The following LRRK2 variants were observed in gnomAD, a reference collection of about 807,000 sequenced individuals.
The protein encoded by LRRK2 is leucine-rich repeat serine/threonine-protein kinase 2.
In LRRK2, 203 loss-of-function variants were observed where a neutral mutation model predicts 302.6. The observed-to-expected ratio is 0.67, with a 90% CI of 0.60 to 0.75. LRRK2 has a LOEUF of 0.75. LRRK2 is among the 30% of genes least tolerant of loss of function. The pLI is 0.00. For missense variants in LRRK2, 2,830 were observed against 2,951.0 expected (o/e 0.96, Z 0.95); for synonymous variants, 1,066 against 1,031.9 (o/e 1.03, Z -0.63).
intron 23 of LRRK2, 38 bp downstream of exon 23, chr12:40,295,682 GAA>G (rs768163815): frequency 1.3e-6 from 2 of 1,575,360 alleles, no homozygotes; most frequent in Non-Finnish European, 1.7e-6. Flanking sequence ...CAAGACATTT[GAA>G]GAGCTTTTGT....
At chr12:40,350,128 T>C (rs1266110127) in intron 43 of LRRK2, among the ~76,000 whole-genome samples, 1 of 152,184 alleles carries the variant, frequency 6.6e-6, no homozygotes, top group Non-Finnish European at 1.5e-5. Context: ...TGTGGACAGG[T>C]TGATTTCTCC....
chr12:40,281,962 T>C (rs1243892151), intron 18 of LRRK2, among the ~76,000 whole-genome samples: 1 of 151,942 alleles, frequency 6.6e-6, no homozygotes, highest in Admixed American at 6.6e-5. Flanking sequence ...AAAAAAAAGT[T>C]ACTGGGCTAT....
At chr12:40,363,657 T>A (rs1946786134) in intron 48 of LRRK2, 103 bp downstream of exon 48, 2 of 1,325,604 alleles carry the variant, frequency 1.5e-6, no homozygotes, top group Non-Finnish European at 1.0e-6. Flanking sequence ...GAATAGAGAA[T>A]TTTTTTAAAA....
chr12:40,335,878 T>C (rs1945853399), intron 40 of LRRK2, among the ~76,000 whole-genome samples: 1 of 152,102 alleles, frequency 6.6e-6, no homozygotes. Context: ...CACCTTACAT[T>C]CCTTTCTTCC....
intron 46 of LRRK2, among the ~76,000 whole-genome samples, chr12:40,357,856 T>C (rs1214681516): frequency 3.9e-5 from 6 of 152,212 alleles, no homozygotes; most frequent in Admixed American, 2.6e-4. Flanking sequence ...TGTTGCAGCC[T>C]TGACCTTCTG....
At chr12:40,293,691 T>C in intron 21 of LRRK2, 28 bp downstream of exon 21, 8 of 1,444,688 alleles carry the variant, frequency 5.5e-6, no homozygotes, top group Non-Finnish European at 7.8e-6. Flanking sequence ...ATTGTGATTA[T>C]GTTGTGTTTT....
intron 2 of LRRK2, among the ~76,000 whole-genome samples, chr12:40,231,378 C>T (rs972040804): frequency 2.5e-5 from 3 of 121,658 alleles, no homozygotes; most frequent in African/African-American, 9.4e-5. Context: ...CAGAGCGAGA[C>T]CCCTGTCTTC....
Position 40,257,188 on chromosome 12 carries a change from TATG to T in LRRK2, c.1289-59_1289-57del, listed in dbSNP as rs200054683. 1.9e-3 allele frequency: 2,367 copies of T among 1,251,660 alleles called. 11 individuals carry two copies. The highest frequency in any genetic ancestry group is 0.015 in the East Asian group (599 of 40,372). The allele number at this position is 1,251,660 out of a possible 1,614,324, so 77.5% of individuals were successfully genotyped here. ...TGGACTATATTAATATTCTAAAGCT[TATG>T]GTAAAATTATGAAAATATGCTTTCA... On this transcript the variant is annotated intron_variant, in intron 11 of 50. Coordinates refer to ENST00000298910, the MANE Select transcript of LRRK2 (RefSeq NM_198578.4).
At chr12:40,294,556 G>A (rs1263940614) in intron 21 of LRRK2, among the ~76,000 whole-genome samples, 1 of 151,884 alleles carries the variant, frequency 6.6e-6, no homozygotes, top group Non-Finnish European at 1.5e-5. Flanking sequence ...AAAGTAGTTT[G>A]GTTAATGAGA....
At chr12:40,240,358 T>A in intron 5 of LRRK2, 125 bp from the exon 6 acceptor site, 3 of 844,170 alleles carry the variant, frequency 3.6e-6, no homozygotes, top group Middle Eastern at 3.5e-4. Context: ...CAGAAATATA[T>A]TTTTTATTTA....
chr12:40,291,431 AAT>A (rs57902292), intron 20 of LRRK2, among the ~76,000 whole-genome samples: 44,081 of 146,264 alleles, frequency 0.3, 6,798 homozygotes, highest in South Asian at 0.39. Context: ...AGTATAATAA[AAT>A]ATATATATAT....
intron 38 of LRRK2, among the ~76,000 whole-genome samples, chr12:40,326,390 T>C (rs1414411968): frequency 2.8e-5 from 4 of 144,422 alleles, no homozygotes; most frequent in Admixed American, 7.3e-5. Context: ...GGCATGAACC[T>C]GGGAGGCGGA....
At chr12:40,355,182 C>G (rs1946488594) in intron 45 of LRRK2, among the ~76,000 whole-genome samples, 1 of 151,300 alleles carries the variant, frequency 6.6e-6, no homozygotes, top group African/African-American at 2.5e-5. Flanking sequence ...CCTGAAATAT[C>G]AACTCCACTG....
chr12:40,277,767 A>G (rs1316805833), intron 16 of LRRK2, 121 bp from the exon 17 acceptor site: 3 of 905,282 alleles, frequency 3.3e-6, no homozygotes, highest in East Asian at 2.7e-5. Context: ...CCAACCCAAT[A>G]TATCTATAGT....
intron 42 of LRRK2, among the ~76,000 whole-genome samples, chr12:40,348,070 C>T (rs1446908545): frequency 1.3e-5 from 2 of 152,100 alleles, no homozygotes; most frequent in African/African-American, 2.4e-5. Context: ...TGCTTGCTTA[C>T]TTTGAGTATT....
chr12:40,287,609 A>G, intron 20 of LRRK2, 70 bp downstream of exon 20: 1 of 1,475,092 alleles, frequency 6.8e-7, no homozygotes, highest in African/African-American at 1.4e-5. Context: ...AGGACCCAAG[A>G]CAAAAACCTG....
intron 12 of LRRK2, among the ~76,000 whole-genome samples, chr12:40,258,535 T>C (rs1186192450): frequency 1.3e-5 from 2 of 152,188 alleles, no homozygotes; most frequent in Non-Finnish European, 2.9e-5. Flanking sequence ...TCTCGCTGCA[T>C]GCTCTTACGT....
chr12:40,282,995 T>A (rs1349213498), intron 18 of LRRK2, among the ~76,000 whole-genome samples: 1 of 152,154 alleles, frequency 6.6e-6, no homozygotes, highest in African/African-American at 2.4e-5. Context: ...CTTTTCTAAA[T>A]ACTCATCTAT....
intron 25 of LRRK2, among the ~76,000 whole-genome samples, chr12:40,301,321 G>A (rs1353998962): frequency 6.6e-6 from 1 of 152,158 alleles, no homozygotes; most frequent in Non-Finnish European, 1.5e-5. Flanking sequence ...CTACTCGGGA[G>A]GCTGAGGCAG....
Sources: allele counts gnomAD v4.1 joint callset (sites outside exome capture counted in the v4.1 genomes callset), GRCh38; gene constraint gnomAD v4.1.1; transcripts MANE v1.5; gene names NCBI Gene and HGNC (gene_info 2026-07-23, HGNC 2026-07-21).